SLTM: variants seen among roughly 807,000 people sequenced by gnomAD.
SLTM encodes the protein SAFB-like transcription modulator.
Under a neutral mutation model 134.6 loss-of-function variants are expected in SLTM, and 43 were observed. The ratio of observed to expected loss-of-function variants is 0.32; its 90% CI spans 0.25 to 0.41. SLTM has a LOEUF of 0.41. SLTM is among the 10% of genes least tolerant of loss of function. The pLI, the probability that SLTM is intolerant of heterozygous loss-of-function variation, is 1.00. For synonymous variants in SLTM, 424 were observed against 432.3 expected (o/e 0.98, Z 0.24); for missense variants, 1,055 against 1,288.8 (o/e 0.82, Z 2.78).
rs533739486 is a variant in SLTM, at chr15:58,912,552, T to C, written c.561+11A>G. ...ACAATATCGAATTCATAGGACTAAA[T>C]GTAAACTTACTTGGGCTGTTAGAAA... On this transcript the variant is annotated intron_variant, in intron 5 of 20. Coordinates refer to ENST00000380516, the MANE Select transcript of SLTM (RefSeq NM_024755.4). 528 of 1,611,964 alleles carry C rather than the reference T, an allele frequency of 3.3e-4. 7 individuals are homozygous for C. The South Asian group carries it at 5.5e-3, about 17-fold the overall frequency.
intron 1 of SLTM, among the ~76,000 whole-genome samples, 164 bp downstream of exon 1, chr15:58,933,240 G>A (rs1287538928): frequency 1.3e-5 from 2 of 151,700 alleles, no homozygotes; most frequent in Non-Finnish European, 2.9e-5. Flanking sequence ...ACCGCGGAAG[G>A]GTCCCCGTCC....
chr15:58,910,756 T>G (rs916261099), intron 5 of SLTM, among the ~76,000 whole-genome samples: 1 of 150,848 alleles, frequency 6.6e-6, no homozygotes, highest in African/African-American at 2.4e-5. Context: ...TTTTTTTTTT[T>G]TTTTTTCAAG....
At chr15:58,888,707 A>G in intron 16 of SLTM, 152 bp from the exon 17 acceptor site, 1 of 581,664 alleles carries the variant, frequency 1.7e-6, no homozygotes. Context: ...AAACTAGCAA[A>G]GACTTAATTG....
chr15:58,904,169 A>G lies in SLTM; in HGVS notation c.562-2882T>C, dbSNP rs1482367480. ...CAGGTGTATGCCACCACACCTGGCT[A>G]ATTTTTTTGATATTTTTTTTTGGCA... On this transcript the variant is annotated intron_variant, in intron 5 of 20. Transcript: ENST00000380516. Among the ~76,000 whole-genome samples the G allele has an allele frequency of 6.6e-5, 10 of 152,080 alleles. No homozygotes were observed. In the East Asian group the frequency reaches 1.9e-3, roughly 29 times the overall value.
chr15:58,918,063 G>A (rs1459886959), intron 2 of SLTM, among the ~76,000 whole-genome samples: 1 of 150,046 alleles, frequency 6.7e-6, no homozygotes, highest in Non-Finnish European at 1.5e-5. Context: ...CTGGTAGTTG[G>A]AACTTTAAAA....
At chr15:58,932,625 G>GA (rs1232270112) in intron 1 of SLTM, among the ~76,000 whole-genome samples, 182 bp from the exon 2 acceptor site, 4 of 151,988 alleles carry the variant, frequency 2.6e-5, no homozygotes, top group East Asian at 1.9e-4. Context: ...ACTTTCAGGG[G>GA]AAAAAAATCA....
At chr15:58,885,673 A>C (rs1820231688) in intron 19 of SLTM, among the ~76,000 whole-genome samples, 1 of 152,172 alleles carries the variant, frequency 6.6e-6, no homozygotes, top group Non-Finnish European at 1.5e-5. Flanking sequence ...AGTCCCAGCT[A>C]ATCGGGAGGC....
At chr15:58,900,412 CT>C (rs1273861775) in intron 6 of SLTM, 1 of 156,446 alleles carries the variant, frequency 6.4e-6, no homozygotes, top group Non-Finnish European at 1.4e-5. Flanking sequence ...CTTTTCCACT[CT>C]TCAATGCTTG....
chr15:58,901,410 AC>A, intron 5 of SLTM, 123 bp from the exon 6 acceptor site: 2 of 733,130 alleles, frequency 2.7e-6, no homozygotes, highest in Non-Finnish European at 4.5e-6. Context: ...GGGATACCTA[AC>A]ACTAACAAAT....
intron 16 of SLTM, chr15:58,889,144 T>A (rs2034462330): frequency 3.5e-6 from 1 of 284,074 alleles, no homozygotes; most frequent in African/African-American, 2.1e-5. Flanking sequence ...ACTACCTTTT[T>A]AAGAATGTTC....
At chr15:58,916,176 C>T (rs948892133) in intron 3 of SLTM, among the ~76,000 whole-genome samples, 1 of 89,478 alleles carries the variant, frequency 1.1e-5, no homozygotes, top group African/African-American at 3.1e-5. Context: ...CTCTCTCTCT[C>T]TCTTTTTTTT....
At chr15:58,891,844 G>A (rs1020062213) in intron 14 of SLTM, among the ~76,000 whole-genome samples, 3 of 152,046 alleles carry the variant, frequency 2.0e-5, no homozygotes, top group Non-Finnish European at 2.9e-5. Context: ...TTTCAGGAGA[G>A]TAAAGGCATT....
In SLTM at chr15:58,930,856, T is replaced by C. The variant is rs2037830211; in HGVS notation, c.250+1500A>G. Among the ~76,000 whole-genome samples the C allele has an allele frequency of 2.0e-5, 3 of 151,556 alleles. No homozygotes were observed. The South Asian group carries it at 6.2e-4, about 31-fold the overall frequency. On this transcript the variant is annotated intron_variant, in intron 2 of 20. Transcript: ENST00000380516. ...TGAAATTATTTCTAATAATAAGAGATAAATGATGTTCCTAGTCAAAACTGA... is the reference window on the plus strand; with the variant it reads ...TGAAATTATTTCTAATAATAAGAGACAAATGATGTTCCTAGTCAAAACTGA...
intron 2 of SLTM, among the ~76,000 whole-genome samples, chr15:58,922,214 A>G (rs1389305054): frequency 1.3e-5 from 2 of 151,330 alleles, no homozygotes; most frequent in East Asian, 1.9e-4. Context: ...TGTCTCTACT[A>G]AAAACACAAA....
chr15:58,917,088 CCA>C, intron 2 of SLTM, 89 bp from the exon 3 acceptor site: 1 of 1,171,464 alleles, frequency 8.5e-7, no homozygotes, highest in East Asian at 2.5e-5. Flanking sequence ...ATAGCACTCT[CCA>C]CTCCCAAACT....
chr15:58,898,600 G>C, intron 8 of SLTM: 1 of 295,796 alleles, frequency 3.4e-6, no homozygotes, highest in Non-Finnish European at 5.5e-6. Context: ...CCCATTACCA[G>C]TTTACAAAGT....
intron 5 of SLTM, among the ~76,000 whole-genome samples, chr15:58,910,001 T>C (rs1240141584): frequency 6.6e-6 from 1 of 152,240 alleles, no homozygotes; most frequent in African/African-American, 2.4e-5. Flanking sequence ...ATCTTACTGG[T>C]ATCTGGATTT....
At position 58,907,127 on chromosome 15, in the gene SLTM, TAAAAG is replaced by T. The variant is rs560287928; in HGVS notation, c.561+5431_561+5435del. 3.6e-3 allele frequency among the ~76,000 whole-genome samples: 544 copies of T among 152,152 alleles called. 3 individuals carry two copies. Among genetic ancestry groups the T allele is most frequent in the Non-Finnish European group, 6.9e-3 (467 of 68,000 alleles). On this transcript the variant is annotated intron_variant, in intron 5 of 20. Coordinates refer to ENST00000380516, the MANE Select transcript of SLTM (RefSeq NM_024755.4). ...TCTCTGTGAATAGTAAAGCACTACA[TAAAAG>T]AGAGAGATGAAAGAAAGCTTTGTGG...
chr15:58,892,952 A>T lies in SLTM; in HGVS notation c.1843T>A (p.Leu615Met). 6.2e-7 allele frequency: 1 copy of T among 1,613,558 alleles called. No homozygotes were observed. ...TCAAAACGAACTAAATGTTCTCTCA[A>T]CCTTTGTTCCTTCATCTTTTCAAAA... ...LPFEKMKEQR[L>M]REHLVRFERL... The change falls in exon 14 of 21, where the codon TTG becomes ATG. Residue 615 changes from leucine (L) to methionine (M), a missense_variant. Around this residue, in one of 3 missense-constraint regions of SLTM, gnomAD observed 776 missense variants for 962.2 expected, o/e 0.81. Coordinates refer to ENST00000380516, the MANE Select transcript of SLTM (RefSeq NM_024755.4).
Sources: allele counts gnomAD v4.1 joint callset (sites outside exome capture counted in the v4.1 genomes callset), GRCh38; gene constraint gnomAD v4.1.1; regional missense constraint gnomAD v4.1.1; transcripts MANE v1.5; gene names NCBI Gene and HGNC (gene_info 2026-07-23, HGNC 2026-07-21).